The following NEMF variants were observed in gnomAD, a reference collection of about 807,000 sequenced individuals.
NEMF encodes the protein ribosome quality control complex subunit NEMF.
NEMF carries 89 observed loss-of-function variants against 162.2 expected under a neutral mutation model. The observed-to-expected ratio is 0.55, with a 90% CI of 0.46 to 0.65. The LOEUF is 0.65. Among genes scored for constraint, NEMF ranks in the 30% least tolerant of loss-of-function variants. NEMF has a pLI of 0.00. For missense variants in NEMF, 1,133 were observed against 1,261.9 expected (o/e 0.90, Z 1.55); for synonymous variants, 421 against 404.5 (o/e 1.04, Z -0.49).
intron 22 of NEMF, 100 bp downstream of exon 22, chr14:49,802,353 A>G: frequency 7.3e-7 from 1 of 1,363,838 alleles, no homozygotes; most frequent in Non-Finnish European, 1.0e-6. Flanking sequence ...TTTTTTTGAA[A>G]TTTAGATTAT....
At chr14:49,789,101 G>A in intron 28 of NEMF, 45 bp downstream of exon 28, 2 of 1,511,856 alleles carry the variant, frequency 1.3e-6, no homozygotes, top group Non-Finnish European at 9.2e-7. Context: ...TCCAGGATGG[G>A]TAATCACCCT....
Position 49,800,542 on chromosome 14 carries a change from G to A in NEMF, c.2250C>T (p.Asp750=), listed in dbSNP as rs374682212. The A allele has an allele frequency of 3.8e-5, 62 of 1,613,492 alleles. No homozygotes were observed. In the South Asian group the frequency reaches 3.8e-4, roughly 10 times the overall value. ...EELIQEESSE[D]EGEYEEVRKD... is the part of the protein sequence containing the mutation. ...TTCTAACCTCTTCATATTCTCCTTC[G>A]TCTTCAGAGCTTTCTTCCTGAATGA... The change falls in exon 23 of 33, where the codon GAC becomes GAT. Residue 750 remains aspartate, a synonymous_variant. Transcript: ENST00000298310.
intron 3 of NEMF, among the ~76,000 whole-genome samples, chr14:49,850,378 G>T (rs546713327): frequency 6.6e-6 from 1 of 152,100 alleles, no homozygotes; most frequent in African/African-American, 2.4e-5. Flanking sequence ...ATGAGCCACC[G>T]CACCTGGTCT....
Position 49,838,138 on chromosome 14 carries a change from C to G in NEMF, c.574+1G>C. ...TCACTGCTATTTGCAGGAATACTCA[C>G]GAAGTAATGGGTTAAGCACCCTCTT... On this transcript the variant is annotated splice_donor_variant, in intron 6 of 32. Transcript: ENST00000298310. LOFTEE classifies it high-confidence loss of function. The G allele has an allele frequency of 6.2e-7, 1 of 1,607,422 alleles. No homozygotes were observed. Among genetic ancestry groups the G allele is most frequent in the Non-Finnish European group, 8.5e-7 (1 of 1,174,860 alleles).
chr14:49,807,892 C>A (rs1891296083), intron 18 of NEMF, among the ~76,000 whole-genome samples: 1 of 152,092 alleles, frequency 6.6e-6, no homozygotes, highest in Admixed American at 6.5e-5. Flanking sequence ...GCATGAGCCA[C>A]AGCGCCTGAC....
In NEMF at chr14:49,832,080, G is replaced by T. The variant is rs1254658615; in HGVS notation, c.853C>A (p.Pro285Thr). The T allele has an allele frequency of 6.2e-7, 1 of 1,607,070 alleles. No individual in the cohort carries two copies. Among genetic ancestry groups the T allele is most frequent in the Non-Finnish European group, 8.5e-7 (1 of 1,177,664 alleles). The change falls in exon 10 of 33, where the codon CCA becomes ACA. Residue 285 changes from proline to threonine, a missense_variant. Physicochemically the swap from Pro to Thr is conservative, Grantham distance 38. This residue lies in a region of NEMF where 582 missense variants were observed against 631.5 expected (regional missense o/e 0.92). Coordinates refer to ENST00000298310, the MANE Select transcript of NEMF (RefSeq NM_004713.6). ...TCAAATGATTCAAATTCTATATATG[G>T]ACATTGTGAATGTTGAGAAAACAAG... ...PFLFSQHSQC[P>T]YIEFESFDKA... is the part of the protein sequence containing the mutation.
In NEMF at chr14:49,783,110, A is replaced by G. The variant is rs1566640094; in HGVS notation, c.*1526T>C. ...GCCTAGAGAACCTATTTTTGTGTCT[A>G]AAGTTTACAATAAATGTATTTAACA... is the stretch of plus-strand genomic sequence containing the variant. On this transcript the variant is annotated 3_prime_UTR_variant, in exon 33 of 33. Coordinates refer to ENST00000298310, the MANE Select transcript of NEMF (RefSeq NM_004713.6). 3.4e-6 allele frequency: 2 copies of G among 587,916 alleles called. No individual in the cohort carries two copies. The highest frequency in any genetic ancestry group is 6.3e-5 in the East Asian group (2 of 31,848). 36.4% of individuals were successfully genotyped at this position (587,916 alleles called of 1,614,324 possible).
chr14:49,782,688 G>A lies in NEMF; in HGVS notation c.*1948C>T, dbSNP rs1889962936. On this transcript the variant is annotated 3_prime_UTR_variant, in exon 33 of 33. Coordinates refer to ENST00000298310, the MANE Select transcript of NEMF (RefSeq NM_004713.6). ...AAACTAGGTTTATGGATTATTTAAG[G>A]GCAATAAAACTTCATTGCTATAACC... The A allele has an allele frequency of 7.4e-7, 1 of 1,346,234 alleles. No homozygotes were observed. Among genetic ancestry groups the A allele is most frequent in the South Asian group, 1.4e-5 (1 of 72,762 alleles). The allele number at this position is 1,346,234 out of a possible 1,614,324, so 83.4% of individuals were successfully genotyped here.
intron 18 of NEMF, among the ~76,000 whole-genome samples, chr14:49,811,330 T>C (rs1891468865): frequency 1.3e-5 from 2 of 152,214 alleles, no homozygotes; most frequent in Non-Finnish European, 2.9e-5. Context: ...ACTTGTTTAT[T>C]AGCTCTGATA....
intron 3 of NEMF, among the ~76,000 whole-genome samples, chr14:49,849,190 A>G (rs1005798700): frequency 3.3e-5 from 5 of 152,308 alleles, no homozygotes; most frequent in African/African-American, 1.2e-4. Context: ...AAATCCCTAG[A>G]GGAAAATCAC....
At chr14:49,847,322 C>G (rs1354092896) in intron 3 of NEMF, among the ~76,000 whole-genome samples, 1 of 152,080 alleles carries the variant, frequency 6.6e-6, no homozygotes, top group Non-Finnish European at 1.5e-5. Flanking sequence ...CTGCCTCACC[C>G]TCCCAAGAGT....
chr14:49,824,065 G>A (rs908193123), intron 16 of NEMF, among the ~76,000 whole-genome samples: 6 of 152,134 alleles, frequency 3.9e-5, no homozygotes, highest in Non-Finnish European at 7.4e-5. Flanking sequence ...AGCTACTCGG[G>A]AGGCTGAGAC....
At position 49,825,963 on chromosome 14, in the gene NEMF, T is replaced by C. The variant is rs373420027; in HGVS notation, c.1489-8A>G. On this transcript the variant is annotated splice_region_variant and splice_polypyrimidine_tract_variant and intron_variant, in intron 15 of 32. Transcript: ENST00000298310. ...TTCTGCTGACTTGAATGCCTATTTA[T>C]AGAAAAGAGTTTTAAAAACAATTTG... The C allele has an allele frequency of 9.6e-6, 15 of 1,568,470 alleles. No individual in the cohort carries two copies. Among genetic ancestry groups the C allele is most frequent in the East Asian group, 2.2e-5 (1 of 44,622 alleles).
chr14:49,829,018 A>T, intron 13 of NEMF, 36 bp downstream of exon 13: 1 of 1,529,090 alleles, frequency 6.5e-7, no homozygotes, highest in Non-Finnish European at 9.0e-7. Flanking sequence ...CAAAATAAAG[A>T]CAAGCATTAA....
chr14:49,832,333 CTTTT>C (rs56170989), intron 8 of NEMF, 56 bp from the exon 9 acceptor site: 163 of 813,358 alleles, frequency 2.0e-4, no homozygotes, highest in Middle Eastern at 6.1e-4. Flanking sequence ...AGATTTACTT[CTTTT>C]TTTTTTTTTT....
At chr14:49,828,225 A>G (rs1385038522) in intron 15 of NEMF, 66 bp downstream of exon 15, 1 of 1,078,428 alleles carries the variant, frequency 9.3e-7, no homozygotes, top group Non-Finnish European at 1.4e-6. Context: ...AACAGAAGAA[A>G]TAATTATGTC....
chr14:49,802,511 G>C lies in NEMF; in HGVS notation c.2037C>G (p.Asp679Glu). Residue 679 changes from aspartate (D) to glutamate (E), a missense_variant, in exon 22 of 33, where the codon GAC becomes GAG. Physicochemically the swap from Asp to Glu is conservative, Grantham distance 45. Coordinates refer to ENST00000298310, the MANE Select transcript of NEMF (RefSeq NM_004713.6). ...TTGTACAACTTGCCAGTGTCTCCATGTCTTCATCCTGTACTCTGACTTTTC... is the reference window on the plus strand; with the variant it reads ...TTGTACAACTTGCCAGTGTCTCCATCTCTTCATCCTGTACTCTGACTTTTC... Reference protein sequence around the residue: ...GERKVRVQDEDMETLASCTSE... With the variant: ...GERKVRVQDEEMETLASCTSE... The C allele has an allele frequency of 6.2e-7, 1 of 1,613,764 alleles. No individual in the cohort carries two copies. Among genetic ancestry groups the C allele is most frequent in the Non-Finnish European group, 8.5e-7 (1 of 1,179,774 alleles).
chr14:49,814,909 CA>C, intron 16 of NEMF, 52 bp from the exon 17 acceptor site: 2 of 1,035,750 alleles, frequency 1.9e-6, no homozygotes, highest in South Asian at 1.4e-5. Context: ...TGCCTGAATT[CA>C]TACCCTTTTT....
At chr14:49,829,798 C>T (rs1435282158) in intron 11 of NEMF, among the ~76,000 whole-genome samples, 4 of 151,944 alleles carry the variant, frequency 2.6e-5, no homozygotes, top group Admixed American at 6.6e-5. Context: ...TAATAGAGAC[C>T]GGGTCCCGCT....
Sources: gnomAD v4.1 joint callset for allele counts (sites outside exome capture counted in the v4.1 genomes callset) on GRCh38, gnomAD v4.1.1 for gene constraint, gnomAD v4.1.1 regional missense constraint, MANE v1.5 for transcripts, NCBI Gene and HGNC (gene_info 2026-07-23, HGNC 2026-07-21) for gene names.